The following PLCL2 variants were observed in gnomAD, a reference collection of about 807,000 sequenced individuals.
The protein encoded by PLCL2 is phospholipase C like 2.
In PLCL2, 4 loss-of-function variants were observed where a neutral mutation model predicts 79.6. The ratio of observed to expected loss-of-function variants is 0.05; its 90% CI spans 0.02 to 0.11. The LOEUF (loss-of-function observed/expected upper bound fraction) is 0.11, where lower values mean the gene tolerates loss of function less well. PLCL2 is among the 10% of genes least tolerant of loss of function. The pLI is 1.00. For missense variants in PLCL2, 895 were observed against 1,291.0 expected, an observed-to-expected ratio of 0.69 and a Z score of 4.70; for synonymous variants, 484 against 457.7, an observed-to-expected ratio of 1.06 and a Z score of -0.73.
At chr3:16,892,561 T>C (rs768094403) in intron 1 of PLCL2, among the ~76,000 whole-genome samples, 6 of 152,172 alleles carry the variant, frequency 3.9e-5, no homozygotes, top group African/African-American at 7.2e-5. Flanking sequence ...TCACATGGTA[T>C]TCATTGGAAG....
rs1696922413 is a variant in PLCL2 at position 16,913,246 on chromosome 3, CTG to C, written c.327+27882_327+27883del. On this transcript the variant is annotated intron_variant, in intron 1 of 5. Transcript: ENST00000615277. ...TTCACCTCTCTTGTAGTCTTGTAAT[CTG>C]TACCCTATTCCAGAATTACTCTCCC... Among the ~76,000 whole-genome samples the C allele has an allele frequency of 2.0e-5, 3 of 152,128 alleles. No individual in the cohort carries two copies. The South Asian group carries it at 6.2e-4, about 32-fold the overall frequency.
chr3:17,000,462 T>A (rs1451917457), intron 1 of PLCL2, among the ~76,000 whole-genome samples: 1 of 152,102 alleles, frequency 6.6e-6, no homozygotes, highest in Non-Finnish European at 1.5e-5. Flanking sequence ...ATATTCCAAA[T>A]CTCCTCTTTT....
intron 5 of PLCL2, among the ~76,000 whole-genome samples, chr3:17,070,787 C>T (rs1276463099): frequency 6.6e-6 from 1 of 152,050 alleles, no homozygotes; most frequent in Non-Finnish European, 1.5e-5. Flanking sequence ...GGCAGCGCTC[C>T]AGGCAGATGG....
chr3:17,026,957 T>A (rs2064523750), intron 3 of PLCL2, among the ~76,000 whole-genome samples: 1 of 152,128 alleles, frequency 6.6e-6, no homozygotes. Flanking sequence ...GAAACAGCTA[T>A]TTCATTATTT....
At chr3:16,903,365 G>A (rs7638320) in intron 1 of PLCL2, among the ~76,000 whole-genome samples, 3,594 of 152,312 alleles carry the variant, frequency 0.024, 73 homozygotes, top group African/African-American at 0.053. Flanking sequence ...TGCGTGGTCT[G>A]TAAGTTGCTA....
chr3:17,046,090 G>A (rs1482239626), intron 4 of PLCL2, among the ~76,000 whole-genome samples: 1 of 152,162 alleles, frequency 6.6e-6, no homozygotes, highest in Non-Finnish European at 1.5e-5. Context: ...GCCGCCATGG[G>A]AGTGAGAAGT....
chr3:16,987,306 C>T (rs1394890650), intron 1 of PLCL2, among the ~76,000 whole-genome samples: 1 of 152,086 alleles, frequency 6.6e-6, no homozygotes, highest in Non-Finnish European at 1.5e-5. Context: ...GTTTGAAGAG[C>T]AGGCACAGCA....
chr3:16,941,939 A>G (rs531040113), intron 1 of PLCL2, among the ~76,000 whole-genome samples: 1 of 152,200 alleles, frequency 6.6e-6, no homozygotes, highest in Non-Finnish European at 1.5e-5. Flanking sequence ...TACTCCATGA[A>G]TTGTAAACTC....
At chr3:16,969,404 C>G (rs1053858085) in intron 1 of PLCL2, among the ~76,000 whole-genome samples, 4 of 151,852 alleles carry the variant, frequency 2.6e-5, no homozygotes, top group African/African-American at 7.3e-5. Flanking sequence ...CTTTTTATTA[C>G]GAATTCAGTT....
intron 1 of PLCL2, among the ~76,000 whole-genome samples, chr3:16,926,021 A>G (rs1194873267): frequency 6.6e-6 from 1 of 152,256 alleles, no homozygotes; most frequent in African/African-American, 2.4e-5. Context: ...GGAGTGGGCC[A>G]TATTGACTTA....
chr3:16,931,898 T>C (rs1697404694), intron 1 of PLCL2, among the ~76,000 whole-genome samples: 1 of 152,166 alleles, frequency 6.6e-6, no homozygotes, highest in Non-Finnish European at 1.5e-5. Context: ...TGTGATGATT[T>C]GAGATAATTA....
intron 1 of PLCL2, among the ~76,000 whole-genome samples, chr3:16,966,919 C>T (rs1333227849): frequency 6.6e-6 from 1 of 152,006 alleles, no homozygotes; most frequent in Non-Finnish European, 1.5e-5. Context: ...CCTCACCCTC[C>T]TCCCACCCTC....
At chr3:17,001,781 T>C (rs1453974298) in intron 1 of PLCL2, among the ~76,000 whole-genome samples, 1 of 152,094 alleles carries the variant, frequency 6.6e-6, no homozygotes, top group East Asian at 1.9e-4. Flanking sequence ...TGTAGTCAGG[T>C]AGTATGATGA....
At chr3:16,889,984 G>A (rs1696309500) in intron 1 of PLCL2, among the ~76,000 whole-genome samples, 1 of 152,156 alleles carries the variant, frequency 6.6e-6, no homozygotes, top group Non-Finnish European at 1.5e-5. Context: ...TGTCTGGATA[G>A]ATAGGAAACC....
At position 16,897,334 on chromosome 3, in the gene PLCL2, G is replaced by T. The variant is rs544717865; in HGVS notation, c.327+11968G>T. Among the ~76,000 whole-genome samples the T allele has an allele frequency of 2.0e-5, 3 of 150,288 alleles. No homozygotes were observed. In the South Asian group the frequency reaches 6.3e-4, roughly 32 times the overall value. ...AAAAAGGCCCTGGGTTGGTTATTTG[G>T]AGCCTTAATCCCCCTTGATTAATCA... On this transcript the variant is annotated intron_variant, in intron 1 of 5. Transcript: ENST00000615277.
chr3:16,972,293 C>G (rs929863902), intron 1 of PLCL2, among the ~76,000 whole-genome samples: 1 of 152,106 alleles, frequency 6.6e-6, no homozygotes, highest in African/African-American at 2.4e-5. Flanking sequence ...ATTGTCTCAG[C>G]CCAAAATCTC....
chr3:17,088,307 A>C (rs1369535649), intron 5 of PLCL2, among the ~76,000 whole-genome samples: 1 of 152,128 alleles, frequency 6.6e-6, no homozygotes, highest in East Asian at 1.9e-4. Context: ...CTTAAAGGGG[A>C]CCCACACTGG....
intron 4 of PLCL2, among the ~76,000 whole-genome samples, chr3:17,059,327 C>T (rs1032227008): frequency 4.7e-5 from 7 of 147,476 alleles, no homozygotes; most frequent in African/African-American, 1.0e-4. Context: ...TGCAGTGAGC[C>T]GAGATTGCAC....
Position 17,052,374 on chromosome 3 carries a change from C to T in PLCL2, c.3094+9425C>T, listed in dbSNP as rs527295691. Among the ~76,000 whole-genome samples, 2 of 152,102 alleles carry T rather than the reference C, an allele frequency of 1.3e-5. 1 individual carries two copies. Among genetic ancestry groups the T allele is most frequent in the South Asian group, 4.2e-4 (2 of 4,812 alleles). ...GAGATGAGTGCTTCCAAACCAGTGC[C>T]AGACAATGAAGAATATGTAGAAGAA... On this transcript the variant is annotated intron_variant, in intron 4 of 5. Coordinates refer to ENST00000615277, the MANE Select transcript of PLCL2 (RefSeq NM_001144382.2).
Sources: gnomAD v4.1 joint callset for allele counts (sites outside exome capture counted in the v4.1 genomes callset) on GRCh38, gnomAD v4.1.1 for gene constraint, MANE v1.5 for transcripts, NCBI Gene and HGNC (gene_info 2026-07-23, HGNC 2026-07-21) for gene names.